The following EXOC2 variants were observed in gnomAD, a reference collection of about 807,000 sequenced individuals.
EXOC2 encodes exocyst complex component 2, also known as SEC5-like 1.
A neutral mutation model predicts 131.8 loss-of-function variants in EXOC2; 70 were observed. The observed-to-expected ratio is 0.53, with a 90% CI of 0.44 to 0.65. The LOEUF is 0.65. Among genes scored for constraint, EXOC2 ranks in the 30% least tolerant of loss-of-function variants. The pLI, the probability that EXOC2 is intolerant of heterozygous loss-of-function variation, is 0.00. For synonymous variants in EXOC2, 411 were observed against 398.4 expected (o/e 1.03, Z -0.38); for missense variants, 923 against 1,108.6 (o/e 0.83, Z 2.38).
At chr6:584,841 AGTAGCCT>A (rs1226219727) in intron 11 of EXOC2, among the ~76,000 whole-genome samples, 3 of 152,262 alleles carry the variant, frequency 2.0e-5, no homozygotes, top group Non-Finnish European at 4.4e-5. Context: ...TTTCTCTATG[AGTAGCCT>A]GATGCCTTCT....
At chr6:664,944 TAACTA>T (rs1581655724) in intron 1 of EXOC2, among the ~76,000 whole-genome samples, 2 of 152,082 alleles carry the variant, frequency 1.3e-5, no homozygotes, top group South Asian at 4.1e-4. Flanking sequence ...AGCTGGGACC[TAACTA>T]AACTAAAGAG....
At position 576,831 on chromosome 6, in the gene EXOC2, G is replaced by A; in HGVS notation, c.1244C>T (p.Pro415Leu). 6.2e-7 allele frequency: 1 copy of A among 1,614,100 alleles called. No individual in the cohort carries two copies. Residue 415 changes from proline (P) to leucine (L), a missense_variant, in exon 12 of 28, where the codon CCC becomes CTC. By Grantham distance (98) the Pro-to-Leu change is moderately conservative. Transcript: ENST00000230449. ...CTGACTGAGATGGCCCAACACTGAG[G>A]GACGTGTATCATTATCAAGATCCAA... ...PMLDLDNDTR[P>L]SVLGHLSQTA...
intron 13 of EXOC2, among the ~76,000 whole-genome samples, chr6:569,333 G>A (rs1015826275): frequency 9.2e-5 from 14 of 152,212 alleles, no homozygotes; most frequent in Admixed American, 9.2e-4. Flanking sequence ...AGCAACGGCT[G>A]ATTTCACTGT....
At chr6:567,827 T>G (rs1376185413) in intron 13 of EXOC2, among the ~76,000 whole-genome samples, 1 of 152,220 alleles carries the variant, frequency 6.6e-6, no homozygotes, top group Non-Finnish European at 1.5e-5. Flanking sequence ...AAAGTGTAAC[T>G]GCCCCAAACG....
intron 1 of EXOC2, chr6:679,664 T>C (rs1764310627): frequency 6.6e-6 from 1 of 152,128 alleles, no homozygotes; most frequent in African/African-American, 2.4e-5. Flanking sequence ...TGCAAAAATG[T>C]ATTACAGCAA....
chr6:497,497 G>C lies in EXOC2; in HGVS notation c.2437-8C>G, dbSNP rs769957619. 1 of 1,607,726 alleles carries C rather than the reference G, an allele frequency of 6.2e-7. No homozygotes were observed. The highest frequency in any genetic ancestry group is 1.1e-5 in the South Asian group (1 of 88,930). ...TTTGGAAATGGTGAACACCTGGTTT[G>C]AAATAGGAAGACATGGTGCTTTGTG... On this transcript the variant is annotated splice_polypyrimidine_tract_variant and splice_region_variant and intron_variant, in intron 24 of 27. Coordinates refer to ENST00000230449, the MANE Select transcript of EXOC2 (RefSeq NM_018303.6).
Position 501,166 on chromosome 6 carries a change from TTA to T in EXOC2, c.2381-1468_2381-1467del, listed in dbSNP as rs1223041931. Among the ~76,000 whole-genome samples, 2 of 35,148 alleles carry T rather than the reference TTA, an allele frequency of 5.7e-5. 1 individual carries two copies. The highest frequency in any genetic ancestry group is 1.0e-4 in the Non-Finnish European group (2 of 19,136). The allele number at this position is 35,148 out of a possible 152,430, so 23.1% of individuals were successfully genotyped here. A position where few individuals can be genotyped will look rare whatever the true frequency, so the allele number is the denominator to read the frequency against. Reference sequence around the variant, plus strand: ...TATATATTATATATATCTATATATATTATATATATCTATATATTATATATATC... The same window carrying T: ...TATATATTATATATATCTATATATATTATATATCTATATATTATATATATC... On this transcript the variant is annotated intron_variant, in intron 23 of 27. Transcript: ENST00000230449.
chr6:560,596 G>A (rs900934914), intron 17 of EXOC2, among the ~76,000 whole-genome samples: 2 of 152,142 alleles, frequency 1.3e-5, no homozygotes, highest in African/African-American at 4.8e-5. Context: ...AGGTGGTGCA[G>A]GTCCATACCT....
intron 2 of EXOC2, among the ~76,000 whole-genome samples, chr6:633,451 C>G (rs892262739): frequency 3.9e-5 from 6 of 152,208 alleles, no homozygotes; most frequent in African/African-American, 1.2e-4. Flanking sequence ...AGGGAAACTA[C>G]TGCTATTATT....
At chr6:631,721 G>A (rs1480571042) in intron 3 of EXOC2, among the ~76,000 whole-genome samples, 1 of 152,056 alleles carries the variant, frequency 6.6e-6, no homozygotes, top group East Asian at 1.9e-4. Flanking sequence ...CTAGAAAACT[G>A]TACAACAAGT....
rs75287048 is a variant in EXOC2 at position 616,045 on chromosome 6, A to C, written c.661+1666T>G. Among the ~76,000 whole-genome samples, 740 of 152,332 alleles carry C rather than the reference A, an allele frequency of 4.9e-3. 8 individuals carry two copies. Among genetic ancestry groups the C allele is most frequent in the African/African-American group, 0.017 (697 of 41,566 alleles). ...TTTCACATTTCAAAATTTTCATAAC[A>C]GAAAAGTAAAAACAACTTACCCGAG... On this transcript the variant is annotated intron_variant, in intron 6 of 27. Coordinates refer to ENST00000230449, the MANE Select transcript of EXOC2 (RefSeq NM_018303.6).
chr6:671,875 T>C (rs1460451060), intron 1 of EXOC2, among the ~76,000 whole-genome samples: 1 of 152,136 alleles, frequency 6.6e-6, no homozygotes, highest in South Asian at 2.1e-4. Context: ...TTTTCTACAG[T>C]TTGAATACAA....
At chr6:621,157 A>G (rs985568408) in intron 4 of EXOC2, among the ~76,000 whole-genome samples, 2 of 152,168 alleles carry the variant, frequency 1.3e-5, no homozygotes, top group African/African-American at 2.4e-5. Context: ...GTGCTTGCAC[A>G]CCTGGACATG....
At chr6:589,942 G>A (rs1047947277) in intron 11 of EXOC2, among the ~76,000 whole-genome samples, 7 of 152,250 alleles carry the variant, frequency 4.6e-5, no homozygotes, top group Admixed American at 1.3e-4. Context: ...GTGAAACCCC[G>A]TCTCTACTAA....
At chr6:566,737 T>G (rs1757988308) in intron 13 of EXOC2, among the ~76,000 whole-genome samples, 1 of 152,150 alleles carries the variant, frequency 6.6e-6, no homozygotes, top group African/African-American at 2.4e-5. Context: ...TCCCGTGGCT[T>G]CAAATATCAT....
In EXOC2 at chr6:675,200, A is replaced by C. The variant is rs1315141354; in HGVS notation, c.-44+17819T>G. ...TTGATAATAAAACCTACATTTTAAA[A>C]GTCTTCCCTTTTCAACCTTTCTGAG... On this transcript the variant is annotated intron_variant, in intron 1 of 27. Coordinates refer to ENST00000230449, the MANE Select transcript of EXOC2 (RefSeq NM_018303.6). Among the ~76,000 whole-genome samples, 5 of 152,196 alleles carry C rather than the reference A, an allele frequency of 3.3e-5. No homozygotes were observed. The East Asian group carries it at 9.6e-4, about 29-fold the overall frequency.
intron 26 of EXOC2, among the ~76,000 whole-genome samples, chr6:490,628 T>A (rs1414891806): frequency 1.3e-5 from 2 of 152,214 alleles, no homozygotes; most frequent in Non-Finnish European, 2.9e-5. Context: ...AACCCAGTAT[T>A]TCCTAGGTAA....
chr6:681,631 T>C (rs1217789074), intron 1 of EXOC2, among the ~76,000 whole-genome samples: 1 of 152,224 alleles, frequency 6.6e-6, no homozygotes, highest in Non-Finnish European at 1.5e-5. Flanking sequence ...AGCTTGATTT[T>C]TCCATTTAAA....
chr6:567,162 T>C (rs73716822), intron 13 of EXOC2, among the ~76,000 whole-genome samples: 11,184 of 152,312 alleles, frequency 0.073, 795 homozygotes, highest in East Asian at 0.39. Flanking sequence ...AGCTGGTCTG[T>C]TCCCCGCCCC....
Sources: allele counts gnomAD v4.1 joint callset (sites outside exome capture counted in the v4.1 genomes callset), GRCh38; gene constraint gnomAD v4.1.1; transcripts MANE v1.5; gene names NCBI Gene and HGNC (gene_info 2026-07-23, HGNC 2026-07-21).